TMEM267: variants seen among roughly 807,000 people sequenced by gnomAD.
TMEM267 encodes transmembrane protein C5orf28.
In TMEM267, 20 loss-of-function variants were observed where a neutral mutation model predicts 19.3. That is an observed-to-expected ratio of 1.04 (90% confidence interval 0.73 to 1.51). The LOEUF (loss-of-function observed/expected upper bound fraction) is 1.51, where lower values mean the gene tolerates loss of function less well. Ranked by LOEUF, TMEM267 falls within the 40% of genes most tolerant of loss-of-function variation. The pLI, the probability that TMEM267 is intolerant of heterozygous loss-of-function variation, is 0.00. For synonymous variants in TMEM267, 88 were observed against 90.3 expected (o/e 0.97, Z 0.15); for missense variants, 242 against 261.9 (o/e 0.92, Z 0.52).
intron 1 of TMEM267, among the ~76,000 whole-genome samples, chr5:43,483,456 A>G (rs1744920605): frequency 6.6e-6 from 1 of 152,198 alleles, no homozygotes; most frequent in African/African-American, 2.4e-5. Flanking sequence ...TAAGGACGGC[A>G]ATGGGCTCCT....
chr5:43,475,744 T>C (rs1290088318), intron 1 of TMEM267, among the ~76,000 whole-genome samples: 4 of 152,158 alleles, frequency 2.6e-5, no homozygotes, highest in Admixed American at 2.6e-4. Context: ...AAAATGTGGT[T>C]AGTTCAAGGT....
At chr5:43,450,696 G>C (rs1377816171) in intron 2 of TMEM267, among the ~76,000 whole-genome samples, 2 of 152,128 alleles carry the variant, frequency 1.3e-5, no homozygotes, top group East Asian at 3.9e-4. Flanking sequence ...TGAATTAAAG[G>C]ATAAATACGT....
chr5:43,457,991 T>C (rs953255585), intron 1 of TMEM267, among the ~76,000 whole-genome samples: 2 of 152,174 alleles, frequency 1.3e-5, no homozygotes, highest in African/African-American at 4.8e-5. Flanking sequence ...CTTGACTTCC[T>C]AGTCTCAGGT....
intron 1 of TMEM267, among the ~76,000 whole-genome samples, chr5:43,483,580 G>T (rs1157749929): frequency 6.6e-6 from 1 of 152,166 alleles, no homozygotes; most frequent in African/African-American, 2.4e-5. Flanking sequence ...GGAGGGCGGC[G>T]CCAGGGCTCC....
intron 1 of TMEM267, among the ~76,000 whole-genome samples, chr5:43,458,271 T>A (rs1201036978): frequency 6.6e-6 from 1 of 152,114 alleles, no homozygotes; most frequent in Non-Finnish European, 1.5e-5. Flanking sequence ...TGGCTAATTT[T>A]TAAATTTTTT....
chr5:43,474,759 C>CAAAAAAAA (rs1175355175), intron 1 of TMEM267, among the ~76,000 whole-genome samples: 1 of 57,442 alleles, frequency 1.7e-5, no homozygotes, highest in Non-Finnish European at 3.7e-5. Context: ...AACTCTGTCT[C>CAAAAAAAA]AAAAAAAAAA....
At chr5:43,473,405 A>G (rs951714771) in intron 1 of TMEM267, among the ~76,000 whole-genome samples, 1 of 152,186 alleles carries the variant, frequency 6.6e-6, no homozygotes, top group African/African-American at 2.4e-5. Flanking sequence ...AACTTCAGCA[A>G]AGTCTCAGGA....
At chr5:43,473,953 T>G (rs1032139330) in intron 1 of TMEM267, among the ~76,000 whole-genome samples, 1 of 151,970 alleles carries the variant, frequency 6.6e-6, no homozygotes, top group Non-Finnish European at 1.5e-5. Flanking sequence ...GCCTGAGAAA[T>G]AACACCACAC....
At chr5:43,470,879 C>T (rs990011197) in intron 1 of TMEM267, among the ~76,000 whole-genome samples, 2 of 151,736 alleles carry the variant, frequency 1.3e-5, no homozygotes, top group East Asian at 3.9e-4. Flanking sequence ...AACTATTAAA[C>T]TAGAAAAGCA....
At chr5:43,465,578 C>T (rs1440659598) in intron 1 of TMEM267, among the ~76,000 whole-genome samples, 5 of 152,108 alleles carry the variant, frequency 3.3e-5, no homozygotes, top group South Asian at 2.1e-4. Context: ...CAATGATAGA[C>T]TGGATTAAGA....
At chr5:43,477,364 G>A (rs572927968) in intron 1 of TMEM267, among the ~76,000 whole-genome samples, 102 of 151,966 alleles carry the variant, frequency 6.7e-4, no homozygotes, top group Admixed American at 1.2e-3. Flanking sequence ...CGAGGTGGGC[G>A]GATCATGAGG....
rs773962208 is a variant in TMEM267, at chr5:43,444,468, T to A, written c.*1754A>T. ...TTTTGTATTTTTAGTAGAGACGGGG[T>A]TTCACCATGTTGGCCAGGCTGGTCT... On this transcript the variant is annotated 3_prime_UTR_variant, in exon 3 of 3. Transcript: ENST00000397080. 6.6e-6 allele frequency: 1 copy of A among 151,990 alleles called. No homozygotes were observed. Among genetic ancestry groups the A allele is most frequent in the Non-Finnish European group, 1.5e-5 (1 of 68,050 alleles). The allele number at this position is 151,990 out of a possible 1,614,324, so 9.4% of individuals were successfully genotyped here. A position where few individuals can be genotyped will look rare whatever the true frequency, so the allele number is the denominator to read the frequency against.
intron 1 of TMEM267, among the ~76,000 whole-genome samples, chr5:43,481,870 C>G (rs936690765): frequency 5.3e-5 from 8 of 152,072 alleles, no homozygotes; most frequent in African/African-American, 1.9e-4. Flanking sequence ...TGAGATGGTT[C>G]CTCGCTCTGT....
At chr5:43,467,397 T>A (rs903834998) in intron 1 of TMEM267, among the ~76,000 whole-genome samples, 2 of 152,136 alleles carry the variant, frequency 1.3e-5, no homozygotes, top group African/African-American at 4.8e-5. Flanking sequence ...TGGGAAAAGA[T>A]ATTCCATGTT....
intron 1 of TMEM267, among the ~76,000 whole-genome samples, chr5:43,468,059 C>A (rs918630432): frequency 1.0e-4 from 14 of 139,904 alleles, no homozygotes; most frequent in African/African-American, 3.8e-4. Flanking sequence ...AGCTAATGCT[C>A]AAAATTCTCT....
At chr5:43,453,503 C>T (rs954804275) in intron 2 of TMEM267, among the ~76,000 whole-genome samples, 155 bp downstream of exon 2, 4 of 152,196 alleles carry the variant, frequency 2.6e-5, no homozygotes, top group African/African-American at 9.7e-5. Context: ...TGTCTGTGTG[C>T]ATCTTTAGGC....
chr5:43,457,175 C>A (rs6451697), intron 1 of TMEM267, among the ~76,000 whole-genome samples: 73,909 of 151,986 alleles, frequency 0.49, 18,826 homozygotes, highest in Middle Eastern at 0.63. Context: ...AAAGTATGGA[C>A]TTTAGTCAAA....
intron 1 of TMEM267, among the ~76,000 whole-genome samples, chr5:43,467,018 G>A (rs372978495): frequency 1.7e-4 from 26 of 151,468 alleles, no homozygotes; most frequent in Admixed American, 4.6e-4. Context: ...GTGTCGTGGC[G>A]CACATCTGTA....
chr5:43,457,076 G>T (rs969499007), intron 1 of TMEM267, among the ~76,000 whole-genome samples: 4 of 152,210 alleles, frequency 2.6e-5, no homozygotes, highest in Non-Finnish European at 5.9e-5. Flanking sequence ...ATCTTGAAAT[G>T]ATTATAGTAA....
Sources: allele counts gnomAD v4.1 joint callset (sites outside exome capture counted in the v4.1 genomes callset), GRCh38; gene constraint gnomAD v4.1.1; transcripts MANE v1.5; gene names NCBI Gene and HGNC (gene_info 2026-07-23, HGNC 2026-07-21).